The following KLF12 variants were observed in gnomAD, a reference collection of about 807,000 sequenced individuals.
The protein encoded by KLF12 is KLF transcription factor 12, also known as Krueppel-like factor 12.
Under a neutral mutation model 37.8 loss-of-function variants are expected in KLF12, and 9 were observed. The ratio of observed to expected loss-of-function variants is 0.24; its 90% CI spans 0.14 to 0.42. The LOEUF (loss-of-function observed/expected upper bound fraction) is 0.42. Ranked by LOEUF, KLF12 falls within the 10% of genes least tolerant of loss-of-function variation. The pLI, the probability that KLF12 is intolerant of heterozygous loss-of-function variation, is 1.00. For synonymous variants in KLF12, 208 were observed against 202.1 expected (o/e 1.03, Z -0.25); for missense variants, 411 against 516.0 (o/e 0.80, Z 1.97).
chr13:73,778,617 G>A (rs1371078871), intron 5 of KLF12, among the ~76,000 whole-genome samples: 4 of 151,916 alleles, frequency 2.6e-5, no homozygotes, highest in Non-Finnish European at 5.9e-5. Context: ...TGCCTGTCTC[G>A]GCCTCCGAAA....
intron 5 of KLF12, among the ~76,000 whole-genome samples, chr13:73,798,734 G>GA (rs1278163847): frequency 1.3e-5 from 2 of 152,170 alleles, no homozygotes. Context: ...CCACCAGTCA[G>GA]AATGGCAATC....
the KLF12 span, among the ~76,000 whole-genome samples, chr13:74,141,468 C>G: frequency 3.9e-5 from 6 of 152,220 alleles, 1 homozygote; most frequent in African/African-American, 1.4e-4. Context: ...ATACTGATTT[C>G]CATAGCTTTC....
chr13:73,831,324 A>T (rs1884146790), intron 4 of KLF12, among the ~76,000 whole-genome samples: 1 of 152,180 alleles, frequency 6.6e-6, no homozygotes, highest in Admixed American at 6.5e-5. Flanking sequence ...TCTCATTGCA[A>T]AACACTGACA....
the KLF12 span, among the ~76,000 whole-genome samples, chr13:74,235,896 G>A: frequency 2.7e-5 from 4 of 150,578 alleles, no homozygotes; most frequent in East Asian, 2.0e-4. Flanking sequence ...CTCAGGTACC[G>A]AATTTTTATT....
intron 7 of KLF12, among the ~76,000 whole-genome samples, chr13:73,711,285 G>C (rs1343709816): frequency 6.6e-6 from 1 of 152,160 alleles, no homozygotes; most frequent in Non-Finnish European, 1.5e-5. Context: ...ACTGATGAAG[G>C]CAGCCATACT....
intron 3 of KLF12, among the ~76,000 whole-genome samples, chr13:73,909,313 A>G (rs566937013): frequency 1.9e-4 from 29 of 152,344 alleles, no homozygotes; most frequent in Middle Eastern, 3.4e-3. Flanking sequence ...TTGACTAGTT[A>G]ATAAGTTTTT....
In KLF12 at chr13:73,714,039, A is replaced by T. The variant is rs193259953; in HGVS notation, c.1027+1329T>A. ...ACTCAATTTCCATGTCTTCACACTC[A>T]TTCTTTGCCTTAATGATAAAGGAAC... is the stretch of plus-strand genomic sequence containing the variant. On this transcript the variant is annotated intron_variant, in intron 7 of 7. Transcript: ENST00000377669. Among the ~76,000 whole-genome samples the T allele has an allele frequency of 3.3e-3, 509 of 152,334 alleles. 5 individuals are homozygous for T. Among genetic ancestry groups the T allele is most frequent in the African/African-American group, 0.012 (493 of 41,578 alleles).
the KLF12 span, among the ~76,000 whole-genome samples, chr13:74,209,724 C>A: frequency 2.0e-5 from 3 of 152,132 alleles, no homozygotes; most frequent in Non-Finnish European, 4.4e-5. Context: ...TTGAGATAAT[C>A]TTGTGTGGGT....
rs939976774 is a variant in KLF12, at chr13:73,852,087, G to A, written c.124-5714C>T. On this transcript the variant is annotated intron_variant, in intron 3 of 7. Coordinates refer to ENST00000377669, the MANE Select transcript of KLF12 (RefSeq NM_007249.5). Reference sequence around the variant, plus strand: ...GTCACCACACATCCATTTGTGAATGGAGTATGCATTTCACTTTCCTCTATT... The same window carrying A: ...GTCACCACACATCCATTTGTGAATGAAGTATGCATTTCACTTTCCTCTATT... Among the ~76,000 whole-genome samples, 64 of 152,166 alleles carry A rather than the reference G, an allele frequency of 4.2e-4. 4 individuals carry two copies.
At chr13:73,852,522 C>T (rs1885383969) in intron 3 of KLF12, among the ~76,000 whole-genome samples, 1 of 152,158 alleles carries the variant, frequency 6.6e-6, no homozygotes, top group Non-Finnish European at 1.5e-5. Context: ...TGACTCACGC[C>T]TGTAATCCCA....
the KLF12 span, among the ~76,000 whole-genome samples, chr13:74,286,641 T>C: frequency 6.6e-6 from 1 of 152,214 alleles, no homozygotes; most frequent in South Asian, 2.1e-4. Context: ...TGACATCACG[T>C]TTACAGGGAC....
At chr13:74,025,865 T>C (rs987062519) in intron 1 of KLF12, among the ~76,000 whole-genome samples, 3 of 152,322 alleles carry the variant, frequency 2.0e-5, no homozygotes, top group Middle Eastern at 3.4e-3. Flanking sequence ...GCATCTTAAC[T>C]TCCTCCGACT....
At chr13:74,217,017 TTC>T in the KLF12 span, among the ~76,000 whole-genome samples, 1 of 152,224 alleles carries the variant, frequency 6.6e-6, no homozygotes, top group Non-Finnish European at 1.5e-5. Flanking sequence ...ATCTAGCAAT[TTC>T]TTTTTTGTGT....
rs140245244 is a variant in KLF12 at position 73,851,373 on chromosome 13, T to C, written c.124-5000A>G. ...GCTGAACAAGTCATCTTTAGGGATC[T>C]CTTATGATTATTTAGAAACAATTTT... is the stretch of plus-strand genomic sequence containing the variant. On this transcript the variant is annotated intron_variant, in intron 3 of 7. Transcript: ENST00000377669. Among the ~76,000 whole-genome samples the C allele has an allele frequency of 1.6e-4, 24 of 152,328 alleles. No homozygotes were observed. In the East Asian group the frequency reaches 2.3e-3, roughly 15 times the overall value.
intron 5 of KLF12, among the ~76,000 whole-genome samples, chr13:73,803,067 G>C (rs982361639): frequency 6.6e-6 from 1 of 152,140 alleles, no homozygotes; most frequent in Non-Finnish European, 1.5e-5. Context: ...TGCTCTGCAT[G>C]GTTTTTTGTT....
chr13:73,745,525 C>T (rs1878301451), intron 6 of KLF12, among the ~76,000 whole-genome samples: 1 of 152,112 alleles, frequency 6.6e-6, no homozygotes, highest in Non-Finnish European at 1.5e-5. Flanking sequence ...CAAATGTCAA[C>T]CCAGATTGTG....
intron 2 of KLF12, among the ~76,000 whole-genome samples, chr13:73,991,003 T>C (rs1891955147): frequency 6.6e-6 from 1 of 152,164 alleles, no homozygotes; most frequent in South Asian, 2.1e-4. Context: ...GAGCAACGCA[T>C]CATCTTTTCA....
intron 1 of KLF12, among the ~76,000 whole-genome samples, chr13:74,114,359 T>A (rs1750885404): frequency 2.0e-5 from 3 of 152,200 alleles, no homozygotes. Flanking sequence ...ATCACAATGC[T>A]ATTTTGTGCT....
At chr13:73,712,931 T>C (rs1593992551) in intron 7 of KLF12, among the ~76,000 whole-genome samples, 1 of 152,304 alleles carries the variant, frequency 6.6e-6, no homozygotes, top group Admixed American at 6.5e-5. Flanking sequence ...AACAAAAAAA[T>C]TGTGTGACTT....
Sources: gnomAD v4.1 joint callset for allele counts (sites outside exome capture counted in the v4.1 genomes callset) on GRCh38, gnomAD v4.1.1 for gene constraint, MANE v1.5 for transcripts, NCBI Gene and HGNC (gene_info 2026-07-23, HGNC 2026-07-21) for gene names.